The following ZDHHC21 variants were observed in gnomAD, a reference collection of about 807,000 sequenced individuals.
ZDHHC21 encodes palmitoyltransferase ZDHHC21.
A neutral mutation model predicts 34.6 loss-of-function variants in ZDHHC21; 15 were observed. That is an observed-to-expected ratio of 0.43 (90% confidence interval 0.29 to 0.67). The LOEUF is 0.67. Ranked by LOEUF, ZDHHC21 falls within the 30% of genes least tolerant of loss-of-function variation. ZDHHC21 has a pLI of 0.14. For synonymous variants in ZDHHC21, 142 were observed against 101.8 expected, an observed-to-expected ratio of 1.40 and a Z score of -2.38; for missense variants, 344 against 327.7, an observed-to-expected ratio of 1.05 and a Z score of -0.38.
At chr9:14,630,334 A>T (rs1318445619) in intron 8 of ZDHHC21, among the ~76,000 whole-genome samples, 1 of 152,228 alleles carries the variant, frequency 6.6e-6, no homozygotes, top group Non-Finnish European at 1.5e-5. Flanking sequence ...CATAAGAAGC[A>T]AATTCCCATT....
At chr9:14,685,931 C>G (rs1488836292) in intron 2 of ZDHHC21, among the ~76,000 whole-genome samples, 1 of 152,098 alleles carries the variant, frequency 6.6e-6, no homozygotes, top group Admixed American at 6.6e-5. Context: ...CTGAAACCAT[C>G]ATTCTCAGCA....
Position 14,680,167 on chromosome 9 carries a change from T to A in ZDHHC21, c.-175-5A>T, listed in dbSNP as rs950904952. On this transcript the variant is annotated splice_polypyrimidine_tract_variant and splice_region_variant and intron_variant, in intron 2 of 9. Coordinates refer to ENST00000380916, the MANE Select transcript of ZDHHC21 (RefSeq NM_178566.6). The stretch of plus-strand genomic sequence containing the variant: ...ATAACAGTTCTCCATGAGAACCTAT[T>A]CATGGTTTAACAAACAATGATTTCT... 1 of 152,492 alleles carries A rather than the reference T, an allele frequency of 6.6e-6. No homozygotes were observed. The highest frequency in any genetic ancestry group is 1.5e-5 in the Non-Finnish European group (1 of 68,004). The allele number at this position is 152,492 out of a possible 1,614,324, so 9.4% of individuals were successfully genotyped here. A position where few individuals can be genotyped will look rare whatever the true frequency, so the allele number is the denominator to read the frequency against.
chr9:14,621,594 C>G (rs1235622626), intron 8 of ZDHHC21, among the ~76,000 whole-genome samples: 1 of 152,052 alleles, frequency 6.6e-6, no homozygotes, highest in Non-Finnish European at 1.5e-5. Flanking sequence ...CCCAAATAGG[C>G]TATTTTTTTT....
intron 8 of ZDHHC21, among the ~76,000 whole-genome samples, chr9:14,631,416 G>A (rs890700921): frequency 6.6e-6 from 1 of 151,334 alleles, no homozygotes; most frequent in Non-Finnish European, 1.5e-5. Flanking sequence ...GTTGTGGCTT[G>A]TGTGATCTTC....
chr9:14,649,951 G>C (rs1171998656), intron 7 of ZDHHC21, among the ~76,000 whole-genome samples: 1 of 152,006 alleles, frequency 6.6e-6, no homozygotes, highest in Non-Finnish European at 1.5e-5. Context: ...TAAAATTGCT[G>C]CCAGGTTTTA....
rs2133379853 is a variant in ZDHHC21 at position 14,614,331 on chromosome 9, T to C, written c.*4635A>G. 1 of 151,904 alleles carries C rather than the reference T, an allele frequency of 6.6e-6. No homozygotes were observed. Among genetic ancestry groups the C allele is most frequent in the East Asian group, 1.9e-4 (1 of 5,174 alleles). 9.4% of individuals were successfully genotyped at this position (151,904 alleles called of 1,614,324 possible). A position where few individuals can be genotyped will look rare whatever the true frequency, so the allele number is the denominator to read the frequency against. On this transcript the variant is annotated 3_prime_UTR_variant, in exon 10 of 10. Coordinates refer to ENST00000380916, the MANE Select transcript of ZDHHC21 (RefSeq NM_178566.6). ...TTTAAAATACCATTGTTATTTCTGTTTCAAATTAGCAGGCAGTATTGTAAC... is the reference window on the plus strand; with the variant it reads ...TTTAAAATACCATTGTTATTTCTGTCTCAAATTAGCAGGCAGTATTGTAAC...
chr9:14,613,076 AACTACCTT>A lies in ZDHHC21; in HGVS notation c.*5882_*5889del, dbSNP rs1374923941. ...TATCTTTTGTAATTTCAGCCTATCA[AACTACCTT>A]TTAAAGTAGCCAAGCTATATTAAAA... is the stretch of plus-strand genomic sequence containing the variant. On this transcript the variant is annotated 3_prime_UTR_variant, in exon 10 of 10. Transcript: ENST00000380916. 4 of 151,828 alleles carry A rather than the reference AACTACCTT, an allele frequency of 2.6e-5. No homozygotes were observed. Among genetic ancestry groups the A allele is most frequent in the African/African-American group, 9.7e-5 (4 of 41,404 alleles). The allele number at this position is 151,828 out of a possible 1,614,324, so 9.4% of individuals were successfully genotyped here. A position where few individuals can be genotyped will look rare whatever the true frequency, so the allele number is the denominator to read the frequency against.
At position 14,693,327 on chromosome 9, in the gene ZDHHC21, C is replaced by G. The variant is rs777191383; in HGVS notation, c.-323G>C. The G allele has an allele frequency of 3.4e-5, 14 of 413,644 alleles. No individual in the cohort carries two copies. The highest frequency in any genetic ancestry group is 8.3e-5 in the South Asian group (5 of 60,330). 25.6% of individuals were successfully genotyped at this position (413,644 alleles called of 1,614,324 possible). ...GCCACCTCCGCCTCCTCCGGCGCCG[C>G]CGCCCAGGCCGGGCCGCTCTCCCCT... is the stretch of plus-strand genomic sequence containing the variant. On this transcript the variant is annotated 5_prime_UTR_variant, in exon 1 of 10. Coordinates refer to ENST00000380916, the MANE Select transcript of ZDHHC21 (RefSeq NM_178566.6).
chr9:14,668,632 T>C (rs576205047), intron 5 of ZDHHC21, among the ~76,000 whole-genome samples: 1,729 of 151,650 alleles, frequency 0.011, 36 homozygotes, highest in African/African-American at 0.039. Flanking sequence ...CAAAACAGCA[T>C]GGTACTGGTA....
At chr9:14,598,005 G>A in the ZDHHC21 span, among the ~76,000 whole-genome samples, 919 of 152,152 alleles carry the variant, frequency 6.0e-3, 14 homozygotes, top group African/African-American at 0.021. Context: ...CATGCTGCTT[G>A]GGGGCCTGAG....
At chr9:14,607,186 T>C (rs545219939), downstream of ZDHHC21, among the ~76,000 whole-genome samples, 1 of 150,676 alleles carries the variant, frequency 6.6e-6, no homozygotes, top group African/African-American at 2.5e-5. Context: ...TGGTGGCTCA[T>C]GCCTATCATC....
At chr9:14,644,814 A>ATG (rs1830013370) in intron 7 of ZDHHC21, among the ~76,000 whole-genome samples, 1 of 142,982 alleles carries the variant, frequency 7.0e-6, no homozygotes, top group African/African-American at 2.6e-5. Flanking sequence ...ACACATACAT[A>ATG]TGTATACACA....
chr9:14,678,243 T>C (rs1836776067), intron 3 of ZDHHC21, among the ~76,000 whole-genome samples: 1 of 152,060 alleles, frequency 6.6e-6, no homozygotes, highest in African/African-American at 2.4e-5. Context: ...TTTATATTCT[T>C]GGAATAAGGA....
the ZDHHC21 span, chr9:14,588,836 A>T: frequency 6.6e-6 from 1 of 152,214 alleles, no homozygotes; most frequent in African/African-American, 2.4e-5. Flanking sequence ...TAACAGAAGC[A>T]GCCTGAGAAA....
chr9:14,648,091 T>G (rs1450056568), intron 7 of ZDHHC21, among the ~76,000 whole-genome samples: 2 of 152,252 alleles, frequency 1.3e-5, no homozygotes, highest in African/African-American at 4.8e-5. Context: ...ATTCTTCCAG[T>G]TGTTTGGGCG....
intron 5 of ZDHHC21, among the ~76,000 whole-genome samples, chr9:14,670,743 T>A (rs1329911954): frequency 1.3e-5 from 2 of 152,120 alleles, no homozygotes. Flanking sequence ...CATATCTATA[T>A]GAACACATAC....
chr9:14,670,884 A>G (rs141252581), intron 5 of ZDHHC21, among the ~76,000 whole-genome samples: 27 of 152,156 alleles, frequency 1.8e-4, no homozygotes, highest in African/African-American at 5.8e-4. Flanking sequence ...CACACCCTAC[A>G]TATCTCTAAA....
At chr9:14,645,352 G>A (rs1352970778) in intron 7 of ZDHHC21, among the ~76,000 whole-genome samples, 1 of 151,862 alleles carries the variant, frequency 6.6e-6, no homozygotes, top group East Asian at 1.9e-4. Context: ...AGAGTGGAGG[G>A]GAAAGAATTA....
Position 14,628,854 on chromosome 9 carries a change from T to C in ZDHHC21, c.622-9172A>G, listed in dbSNP as rs78800980. ...TTAAGTGCTAATTTAATTCATTCGA[T>C]TTAAAATTAAACACCGAATGCATTA... On this transcript the variant is annotated intron_variant, in intron 8 of 9. Transcript: ENST00000380916. Among the ~76,000 whole-genome samples, 95 of 152,310 alleles carry C rather than the reference T, an allele frequency of 6.2e-4. 1 individual carries two copies. In the East Asian group the frequency reaches 0.016, roughly 25 times the overall value.
Sources: allele counts gnomAD v4.1 joint callset (sites outside exome capture counted in the v4.1 genomes callset), GRCh38; gene constraint gnomAD v4.1.1; transcripts MANE v1.5; gene names NCBI Gene and HGNC (gene_info 2026-07-23, HGNC 2026-07-21).